Variants in OSBPL6 observed in about 807,000 individuals in gnomAD.
OSBPL6 encodes oxysterol binding protein like 6, also known as oxysterol-binding protein-related protein 6.
Under a neutral mutation model 125.8 loss-of-function variants are expected in OSBPL6, and 49 were observed. The observed-to-expected ratio is 0.39, with a 90% CI of 0.31 to 0.49. OSBPL6 has a LOEUF of 0.49. Ranked by LOEUF, OSBPL6 falls within the 20% of genes least tolerant of loss-of-function variation. The pLI is 0.88. For synonymous variants in OSBPL6, 394 were observed against 391.8 expected, an observed-to-expected ratio of 1.01 and a Z score of -0.07; for missense variants, 986 against 1,135.4, an observed-to-expected ratio of 0.87 and a Z score of 1.89.
Position 178,195,474 on chromosome 2 carries a change from G to A in OSBPL6, c.-351+800G>A, listed in dbSNP as rs982189661. 3.9e-5 allele frequency among the ~76,000 whole-genome samples: 6 copies of A among 152,260 alleles called. No homozygotes were observed. In the South Asian group the frequency reaches 1.2e-3, roughly 31 times the overall value. ...TGAGGAGAAAGCCTGGAGAAGTAAT[G>A]ACACAAGCGGATTTTCTCCCCAAAG... On this transcript the variant is annotated intron_variant, in intron 1 of 24. Coordinates refer to ENST00000190611, the MANE Select transcript of OSBPL6 (RefSeq NM_032523.4).
At chr2:178,334,216 T>G (rs1465052413) in intron 8 of OSBPL6, among the ~76,000 whole-genome samples, 3 of 152,158 alleles carry the variant, frequency 2.0e-5, no homozygotes, top group Non-Finnish European at 4.4e-5. Flanking sequence ...TGCTCCGCCT[T>G]CACATTTGGC....
chr2:178,251,497 A>T (rs1244852365), intron 1 of OSBPL6, among the ~76,000 whole-genome samples: 1 of 151,906 alleles, frequency 6.6e-6, no homozygotes, highest in Non-Finnish European at 1.5e-5. Flanking sequence ...AAATAAAATG[A>T]CAAGGGGCCC....
intron 11 of OSBPL6, among the ~76,000 whole-genome samples, chr2:178,343,999 T>A (rs772491261): frequency 6.6e-6 from 1 of 152,194 alleles, no homozygotes; most frequent in African/African-American, 2.4e-5. Flanking sequence ...AGTATGCATA[T>A]TTATTTTACC....
intron 1 of OSBPL6, among the ~76,000 whole-genome samples, chr2:178,206,499 A>G (rs2089535895): frequency 6.6e-6 from 1 of 152,242 alleles, no homozygotes; most frequent in Non-Finnish European, 1.5e-5. Context: ...AGATGAAGAA[A>G]GGGATAGAAA....
At chr2:178,253,879 G>A (rs2091786029) in intron 1 of OSBPL6, among the ~76,000 whole-genome samples, 2 of 152,158 alleles carry the variant, frequency 1.3e-5, no homozygotes, top group Non-Finnish European at 2.9e-5. Flanking sequence ...TGAGTCATGA[G>A]AGCTCTGCCC....
At chr2:178,381,492 T>G (rs898895658) in intron 15 of OSBPL6, among the ~76,000 whole-genome samples, 1 of 152,202 alleles carries the variant, frequency 6.6e-6, no homozygotes, top group African/African-American at 2.4e-5. Context: ...TAGCTGGGAC[T>G]GCAGGCGCAT....
intron 1 of OSBPL6, among the ~76,000 whole-genome samples, chr2:178,263,808 TG>T (rs1208392448): frequency 3.1e-5 from 2 of 63,828 alleles, no homozygotes; most frequent in African/African-American, 1.2e-4. Context: ...TGTGTACACG[TG>T]TGTGTGTGTG....
intron 1 of OSBPL6, among the ~76,000 whole-genome samples, chr2:178,260,586 G>A (rs2092026977): frequency 4.6e-5 from 7 of 152,014 alleles, no homozygotes; most frequent in Admixed American, 4.6e-4. Flanking sequence ...GGGCACAAGG[G>A]GTGGTGATTA....
intron 1 of OSBPL6, among the ~76,000 whole-genome samples, chr2:178,283,768 G>A (rs1261077462): frequency 3.9e-5 from 6 of 152,162 alleles, no homozygotes; most frequent in Non-Finnish European, 5.9e-5. Flanking sequence ...GCTTCCATTC[G>A]TGGCAGAAGA....
At chr2:178,282,288 G>A (rs565811004) in intron 1 of OSBPL6, among the ~76,000 whole-genome samples, 7 of 152,324 alleles carry the variant, frequency 4.6e-5, no homozygotes, top group Middle Eastern at 3.4e-3. Context: ...TATGTGATGC[G>A]ATGGGAGAGG....
chr2:178,387,654 A>G (rs1442629097), intron 20 of OSBPL6, among the ~76,000 whole-genome samples: 1 of 152,196 alleles, frequency 6.6e-6, no homozygotes, highest in Non-Finnish European at 1.5e-5. Context: ...TGAACTGGAT[A>G]TGGAAGAAGG....
rs1695493259 is a variant in OSBPL6 at position 178,392,506 on chromosome 2, A to G, written c.2541A>G (p.Pro847=). The change falls in exon 23 of 25, where the codon CCA becomes CCG. Residue 847 remains proline, a synonymous_variant. Coordinates refer to ENST00000190611, the MANE Select transcript of OSBPL6 (RefSeq NM_032523.4). ...ELDPVLKDLL[P]PTDARFRPDQ... ...ATCCAGTACTAAAAGATCTCCTTCCACCAACAGACGCCCGGTTCCGGCCAG... is the reference window on the plus strand; with the variant it reads ...ATCCAGTACTAAAAGATCTCCTTCCGCCAACAGACGCCCGGTTCCGGCCAG... The G allele has an allele frequency of 6.2e-7, 1 of 1,614,034 alleles. No individual in the cohort carries two copies. The highest frequency in any genetic ancestry group is 2.2e-5 in the East Asian group (1 of 44,876).
chr2:178,401,997 C>T lies in OSBPL6; in HGVS notation c.*6438C>T, dbSNP rs1323763002. On this transcript the variant is annotated 3_prime_UTR_variant, in exon 25 of 25. Transcript: ENST00000190611. Reference sequence around the variant, plus strand: ...TGGTGCGCACCTGTAGTCCCAGCTACTCAGGAGGCTGAGGCAGGAGGATGG... The same window carrying T: ...TGGTGCGCACCTGTAGTCCCAGCTATTCAGGAGGCTGAGGCAGGAGGATGG... 1 of 152,402 alleles carries T rather than the reference C, an allele frequency of 6.6e-6. No individual in the cohort carries two copies. The highest frequency in any genetic ancestry group is 1.5e-5 in the Non-Finnish European group (1 of 68,290). The allele number at this position is 152,402 out of a possible 1,614,324, so 9.4% of individuals were successfully genotyped here.
rs1301468708 is a variant in OSBPL6, at chr2:178,397,122, G to A, written c.*1563G>A. ...TTTAGTGGTATTTCTCCTCAGCAAA[G>A]CATTCCTAATAATGGCTAATACACC... On this transcript the variant is annotated 3_prime_UTR_variant, in exon 25 of 25. Transcript: ENST00000190611. The A allele has an allele frequency of 6.6e-6, 1 of 152,192 alleles. No individual in the cohort carries two copies. The highest frequency in any genetic ancestry group is 1.5e-5 in the Non-Finnish European group (1 of 68,028). The allele number at this position is 152,192 out of a possible 1,614,324, so 9.4% of individuals were successfully genotyped here.
At chr2:178,244,350 C>A (rs1052188250) in intron 1 of OSBPL6, among the ~76,000 whole-genome samples, 2 of 152,164 alleles carry the variant, frequency 1.3e-5, no homozygotes, top group Non-Finnish European at 2.9e-5. Flanking sequence ...TTTCTTCTCA[C>A]ATTTAATATT....
At chr2:178,351,822 A>ACACTGGT (rs1691288351) in intron 12 of OSBPL6, among the ~76,000 whole-genome samples, 1 of 142,118 alleles carries the variant, frequency 7.0e-6, no homozygotes, top group Non-Finnish European at 1.5e-5. Flanking sequence ...GAAACAACAA[A>ACACTGGT]CACTGGAGCC....
intron 6 of OSBPL6, 86 bp downstream of exon 6, chr2:178,331,691 C>A: frequency 7.2e-7 from 1 of 1,380,542 alleles, no homozygotes; most frequent in Non-Finnish European, 1.0e-6. Flanking sequence ...AAGCCTTGTG[C>A]CATAGTTACC....
chr2:178,250,465 A>G (rs911219897), intron 1 of OSBPL6, among the ~76,000 whole-genome samples: 3 of 152,238 alleles, frequency 2.0e-5, no homozygotes, highest in Admixed American at 6.5e-5. Context: ...TGCAGCTCTA[A>G]TCTTTCACTC....
intron 1 of OSBPL6, among the ~76,000 whole-genome samples, chr2:178,202,884 C>G (rs2089330780): frequency 6.6e-6 from 1 of 150,714 alleles, no homozygotes; most frequent in Admixed American, 6.6e-5. Flanking sequence ...GTAATTTGAT[C>G]AGGATGTACC....
Sources: allele counts gnomAD v4.1 joint callset (sites outside exome capture counted in the v4.1 genomes callset), GRCh38; gene constraint gnomAD v4.1.1; transcripts MANE v1.5; gene names NCBI Gene and HGNC (gene_info 2026-07-23, HGNC 2026-07-21).